UGT1A5: variants seen among roughly 807,000 people sequenced by gnomAD.
The protein encoded by UGT1A5 is UDP glucuronosyltransferase family 1 member A5.
A neutral mutation model predicts 40.3 loss-of-function variants in UGT1A5; 29 were observed. The ratio of observed to expected loss-of-function variants is 0.72; its 90% CI spans 0.54 to 0.98. The LOEUF is 0.98. Ranked by LOEUF, UGT1A5 falls within the 50% of genes least tolerant of loss-of-function variation. The probability of loss-of-function intolerance (pLI) is 0.00; values close to 1 mark genes in which losing one functional copy is unlikely to be tolerated. For synonymous variants in UGT1A5, 257 were observed against 262.5 expected (o/e 0.98, Z 0.20); for missense variants, 678 against 677.9 (o/e 1.00, Z 0.00).
intron 1 of UGT1A5, among the ~76,000 whole-genome samples, chr2:233,738,023 C>T (rs1271674048): frequency 2.6e-5 from 4 of 151,816 alleles, no homozygotes. Context: ...AATTGTAATC[C>T]CCATAATCCC....
chr2:233,743,204 C>G (rs187896113), intron 1 of UGT1A5: 8 of 388,962 alleles, frequency 2.1e-5, no homozygotes, highest in East Asian at 7.2e-5. Context: ...GGTGTCAATG[C>G]GGAGTAACTG....
At chr2:233,719,408 G>A (rs762624701) in intron 1 of UGT1A5, 11 of 1,613,826 alleles carry the variant, frequency 6.8e-6, no homozygotes, top group African/African-American at 5.3e-5. Flanking sequence ...ATATTCCTAA[G>A]TTACTAACGA....
intron 2 of UGT1A5, among the ~76,000 whole-genome samples, chr2:233,767,385 C>T (rs930276020): frequency 1.6e-4 from 25 of 152,084 alleles, no homozygotes; most frequent in African/African-American, 5.8e-4. Context: ...CCACCACACT[C>T]AGAAGTATCA....
At chr2:233,745,676 C>T (rs28900379) in intron 1 of UGT1A5, among the ~76,000 whole-genome samples, 3,652 of 149,480 alleles carry the variant, frequency 0.024, 62 homozygotes, top group Non-Finnish European at 0.032. Flanking sequence ...AATTTGGGAA[C>T]ATCAAAGCAA....
At position 233,747,921 on chromosome 2, in the gene UGT1A5, G is replaced by A. The variant is rs1693813476; in HGVS notation, c.868-19113G>A. The A allele has an allele frequency of 2.2e-5, 36 of 1,613,276 alleles. 2 individuals are homozygous for A. The South Asian group carries it at 4.0e-4, about 18-fold the overall frequency. ...TGCTCCTTATGCAAGCCTTGCCTCT[G>A]AGCTTTTTCAGAGGGAGGTGTCAGT... On this transcript the variant is annotated intron_variant, in intron 1 of 4. Coordinates refer to ENST00000373414, the MANE Select transcript of UGT1A5 (RefSeq NM_019078.2).
intron 1 of UGT1A5, among the ~76,000 whole-genome samples, chr2:233,715,081 T>C (rs2076431286): frequency 1.3e-5 from 2 of 152,268 alleles, no homozygotes; most frequent in South Asian, 4.1e-4. Flanking sequence ...AGATGGAGTT[T>C]CATCATATTG....
chr2:233,729,260 G>T (rs774974731), intron 1 of UGT1A5: 2 of 1,614,092 alleles, frequency 1.2e-6, no homozygotes, highest in East Asian at 2.2e-5. Flanking sequence ...CTCAGCATGC[G>T]GGAGGTCTTG....
chr2:233,758,651 G>A (rs1039863868), intron 1 of UGT1A5, among the ~76,000 whole-genome samples: 3 of 151,900 alleles, frequency 2.0e-5, no homozygotes, highest in African/African-American at 7.3e-5. Context: ...AGAATGAGAG[G>A]GTACCCTAAT....
intron 1 of UGT1A5, 112 bp from the exon 2 acceptor site, chr2:233,766,922 G>C (rs955173337): frequency 6.4e-7 from 1 of 1,559,654 alleles, no homozygotes; most frequent in Non-Finnish European, 8.6e-7. Flanking sequence ...TCTCAAACAC[G>C]CATGCCTTTA....
chr2:233,719,723 G>A, intron 1 of UGT1A5: 1 of 1,613,746 alleles, frequency 6.2e-7, no homozygotes, highest in Non-Finnish European at 8.5e-7. Context: ...CAATGTTCCA[G>A]GCAAAACACT....
At chr2:233,743,983 G>C in intron 1 of UGT1A5, 2 of 1,288,226 alleles carry the variant, frequency 1.6e-6, no homozygotes, top group Middle Eastern at 2.3e-4. Flanking sequence ...GCACCCAGGC[G>C]CAGGCCCGAG....
chr2:233,747,437 C>A, intron 1 of UGT1A5: 2 of 1,608,846 alleles, frequency 1.2e-6, no homozygotes, highest in Non-Finnish European at 1.7e-6. Flanking sequence ...AGAAATTTTT[C>A]ACCCTGACAA....
At chr2:233,762,172 G>A (rs964461264) in intron 1 of UGT1A5, among the ~76,000 whole-genome samples, 8 of 152,040 alleles carry the variant, frequency 5.3e-5, no homozygotes, top group East Asian at 3.9e-4. Flanking sequence ...TGTATGCGGC[G>A]TCCTCAACAC....
At chr2:233,739,813 T>G (rs1439144869) in intron 1 of UGT1A5, among the ~76,000 whole-genome samples, 1 of 151,900 alleles carries the variant, frequency 6.6e-6, no homozygotes, top group Non-Finnish European at 1.5e-5. Context: ...GCATGATTGG[T>G]TTTTAAATGT....
intron 1 of UGT1A5, chr2:233,747,822 C>T (rs1361602523): frequency 6.2e-7 from 1 of 1,613,368 alleles, no homozygotes; most frequent in Non-Finnish European, 8.5e-7. Context: ...CAATTCAGAC[C>T]ACATGACATT....
chr2:233,719,047 C>T (rs970652650), intron 1 of UGT1A5: 1 of 1,614,252 alleles, frequency 6.2e-7, no homozygotes, highest in Non-Finnish European at 8.5e-7. Flanking sequence ...AAATTTTTCA[C>T]CCTGACAGCC....
At chr2:233,725,856 C>A (rs918476414) in intron 1 of UGT1A5, among the ~76,000 whole-genome samples, 16 of 151,998 alleles carry the variant, frequency 1.1e-4, no homozygotes, top group Non-Finnish European at 2.4e-4. Flanking sequence ...TTTCAATTCC[C>A]CATCTCTTTT....
intron 1 of UGT1A5, among the ~76,000 whole-genome samples, chr2:233,751,670 A>G (rs181652696): frequency 2.6e-4 from 40 of 152,190 alleles, no homozygotes; most frequent in Admixed American, 1.9e-3. Flanking sequence ...AGTGAGTTCT[A>G]ATGAGAGCTG....
rs1239644692 is a variant in UGT1A5 at position 233,769,886 on chromosome 2, C to T, written c.1307+1447C>T. On this transcript the variant is annotated intron_variant, in intron 4 of 4. Coordinates refer to ENST00000373414, the MANE Select transcript of UGT1A5 (RefSeq NM_019078.2). The surrounding 1 kb of genome is among the most constrained non-coding windows in gnomAD (Gnocchi z 4.4). ...AAAAAAAAAAAAAATGAAAAGTCCACATAACCTGAGCATCATGTGCCCAGA... is the reference window on the plus strand; with the variant it reads ...AAAAAAAAAAAAAATGAAAAGTCCATATAACCTGAGCATCATGTGCCCAGA... The T allele has an allele frequency of 5.3e-5, 21 of 399,374 alleles. No individual in the cohort carries two copies. The South Asian group carries it at 8.0e-4, about 15-fold the overall frequency. The allele number at this position is 399,374 out of a possible 1,614,324, so 24.7% of individuals were successfully genotyped here.
Sources: allele counts gnomAD v4.1 joint callset (sites outside exome capture counted in the v4.1 genomes callset), GRCh38; gene constraint gnomAD v4.1.1; non-coding constraint Gnocchi (gnomAD v3.1); transcripts MANE v1.5; gene names NCBI Gene and HGNC (gene_info 2026-07-23, HGNC 2026-07-21).